The following CBLB variants were observed in gnomAD, a reference collection of about 807,000 sequenced individuals.
CBLB encodes the protein E3 ubiquitin-protein ligase CBL-B.
Under a neutral mutation model 104.9 loss-of-function variants are expected in CBLB, and 31 were observed. The ratio of observed to expected loss-of-function variants is 0.30; its 90% confidence interval spans 0.22 to 0.40. The LOEUF (loss-of-function observed/expected upper bound fraction) is 0.40, where lower values mean the gene tolerates loss of function less well. CBLB is among the 10% of genes least tolerant of loss of function. The pLI, the probability that CBLB is intolerant of heterozygous loss-of-function variation, is 1.00. For missense variants in CBLB, 1,062 were observed against 1,214.6 expected (o/e 0.87, Z 1.87); for synonymous variants, 440 against 422.6 (o/e 1.04, Z -0.51).
At chr3:105,792,678 C>G (rs13326550) in intron 3 of CBLB, among the ~76,000 whole-genome samples, 26,031 of 152,092 alleles carry the variant, frequency 0.17, 2,613 homozygotes, top group Admixed American at 0.28. Flanking sequence ...AAGAGGGCGG[C>G]TCTTTCCTTG....
intron 3 of CBLB, among the ~76,000 whole-genome samples, chr3:105,808,371 CTG>C (rs1431030921): frequency 6.6e-6 from 1 of 152,094 alleles, no homozygotes; most frequent in South Asian, 2.1e-4. Flanking sequence ...AAGGACCTGT[CTG>C]TGTATTTGTT....
intron 17 of CBLB, among the ~76,000 whole-genome samples, chr3:105,676,687 T>C (rs2065684171): frequency 6.6e-6 from 1 of 152,174 alleles, no homozygotes; most frequent in East Asian, 1.9e-4. Flanking sequence ...TAACTAACTA[T>C]ATGAATAAAA....
At position 105,740,487 on chromosome 3, in the gene CBLB, T is replaced by C; in HGVS notation, c.983+7A>G. 6.2e-7 allele frequency: 1 copy of C among 1,614,094 alleles called. No individual in the cohort carries two copies. Among genetic ancestry groups the C allele is most frequent in the East Asian group, 2.2e-5 (1 of 44,864 alleles). On this transcript the variant is annotated splice_region_variant and intron_variant, in intron 7 of 18. Transcript: ENST00000394030. ...TAAGCACTCCAACTTCCATTTCTCA[T>C]ACTTACAATCCTTCCCTGCTGCCAT... is the stretch of plus-strand genomic sequence containing the variant.
chr3:105,745,489 G>T lies in CBLB; in HGVS notation c.845+428C>A, dbSNP rs79899654. ...TATGCTTATGTACATACATGTATTT[G>T]TTCATAAACTTACATGTATATTTAT... On this transcript the variant is annotated intron_variant, in intron 6 of 18. Transcript: ENST00000394030. 1.1e-4 allele frequency among the ~76,000 whole-genome samples: 16 copies of T among 152,178 alleles called. No homozygotes were observed. The East Asian group carries it at 3.1e-3, about 29-fold the overall frequency.
intron 17 of CBLB, chr3:105,671,046 T>G (rs1244801092): frequency 1.1e-5 from 2 of 180,420 alleles, no homozygotes; most frequent in African/African-American, 4.7e-5. Flanking sequence ...AGACGGGGCA[T>G]CTGAAATAGT....
intron 2 of CBLB, among the ~76,000 whole-genome samples, chr3:105,860,431 T>C (rs543079079): frequency 6.6e-6 from 1 of 152,240 alleles, no homozygotes; most frequent in South Asian, 2.1e-4. Flanking sequence ...AAGCATCATA[T>C]TATTCCATGG....
At chr3:105,830,879 T>C (rs2153077652) in intron 3 of CBLB, among the ~76,000 whole-genome samples, 1 of 152,332 alleles carries the variant, frequency 6.6e-6, no homozygotes, top group Non-Finnish European at 1.5e-5. Flanking sequence ...ACATTGTCCA[T>C]ATAGCATGTA....
chr3:105,869,200 C>G (rs559285778), upstream of CBLB: 185 of 630,504 alleles, frequency 2.9e-4, 1 homozygote, highest in African/African-American at 3.3e-3. Context: ...CACAATGGCC[C>G]CAGAGGAAGG....
At chr3:105,732,505 G>C (rs2074422308) in intron 9 of CBLB, among the ~76,000 whole-genome samples, 1 of 152,086 alleles carries the variant, frequency 6.6e-6, no homozygotes, top group Non-Finnish European at 1.5e-5. Context: ...AAGAAGAGAA[G>C]TATAGGGATT....
At chr3:105,766,030 G>A (rs934029856) in intron 4 of CBLB, among the ~76,000 whole-genome samples, 5 of 152,164 alleles carry the variant, frequency 3.3e-5, no homozygotes, top group African/African-American at 9.7e-5. Flanking sequence ...TTCAAGGGAG[G>A]AGGTCAAAAT....
chr3:105,757,369 A>G (rs2077175740), intron 4 of CBLB, among the ~76,000 whole-genome samples: 1 of 152,214 alleles, frequency 6.6e-6, no homozygotes. Flanking sequence ...TTTCCAAAAG[A>G]GTATAATTAG....
intron 4 of CBLB, among the ~76,000 whole-genome samples, chr3:105,764,137 T>C (rs2077963317): frequency 6.6e-6 from 1 of 152,160 alleles, no homozygotes; most frequent in Non-Finnish European, 1.5e-5. Context: ...TTGACCCAAG[T>C]AGACACATCC....
intron 3 of CBLB, among the ~76,000 whole-genome samples, chr3:105,848,942 T>A (rs931278684): frequency 1.3e-5 from 2 of 152,142 alleles, no homozygotes; most frequent in African/African-American, 4.8e-5. Context: ...TGTAGAAACA[T>A]TTCATGGGAG....
At chr3:105,765,019 G>A (rs750776280) in intron 4 of CBLB, among the ~76,000 whole-genome samples, 3 of 152,122 alleles carry the variant, frequency 2.0e-5, no homozygotes, top group Non-Finnish European at 4.4e-5. Flanking sequence ...TTGTTTATGG[G>A]GTTTAAGAAA....
At chr3:105,855,686 C>A (rs184054447) in intron 2 of CBLB, among the ~76,000 whole-genome samples, 1 of 152,018 alleles carries the variant, frequency 6.6e-6, no homozygotes, top group South Asian at 2.1e-4. Context: ...GAAGTATATG[C>A]GGTAACGGAA....
intron 4 of CBLB, among the ~76,000 whole-genome samples, chr3:105,772,611 T>C (rs1487002748): frequency 6.6e-6 from 1 of 152,146 alleles, no homozygotes; most frequent in Non-Finnish European, 1.5e-5. Context: ...ACTTGCAAAC[T>C]ATGCTTCTGA....
chr3:105,690,678 C>T lies in CBLB; in HGVS notation c.2054+2816G>A, dbSNP rs146417331. Reference sequence around the variant, plus strand: ...CTCCACTAAAAATAAAAAAATTAGCCGGGCATAGTGGCGGACGACTATAGT... The same window carrying T: ...CTCCACTAAAAATAAAAAAATTAGCTGGGCATAGTGGCGGACGACTATAGT... On this transcript the variant is annotated intron_variant, in intron 13 of 18. Transcript: ENST00000394030. Among the ~76,000 whole-genome samples the T allele has an allele frequency of 1.0e-2, 1,514 of 152,062 alleles. 14 individuals are homozygous for T. Among genetic ancestry groups the T allele is most frequent in the Admixed American group, 0.016 (247 of 15,264 alleles).
chr3:105,772,178 C>T (rs997713085), intron 4 of CBLB, among the ~76,000 whole-genome samples: 1 of 152,078 alleles, frequency 6.6e-6, no homozygotes, highest in African/African-American at 2.4e-5. Context: ...ATGACAGGCA[C>T]ATAGACCAAT....
intron 4 of CBLB, among the ~76,000 whole-genome samples, chr3:105,758,470 G>T (rs1055823095): frequency 1.3e-5 from 2 of 152,164 alleles, no homozygotes; most frequent in Non-Finnish European, 2.9e-5. Flanking sequence ...CACTTTTCCA[G>T]CCAGAAACCT....
Sources: gnomAD v4.1 joint callset for allele counts (sites outside exome capture counted in the v4.1 genomes callset) on GRCh38, gnomAD v4.1.1 for gene constraint, MANE v1.5 for transcripts, NCBI Gene and HGNC (gene_info 2026-07-23, HGNC 2026-07-21) for gene names.